The following B4GALT6 variants were observed in gnomAD, a reference collection of about 807,000 sequenced individuals.
B4GALT6 encodes the protein beta-1,4-galactosyltransferase 6, also known as UDP-Gal:beta-GlcNAc beta-1,4-galactosyltransferase 6.
B4GALT6 carries 14 observed loss-of-function variants against 46.3 expected under a neutral mutation model. The ratio of observed to expected loss-of-function variants is 0.30; its 90% confidence interval spans 0.20 to 0.47. The LOEUF is 0.47. Among genes scored for constraint, B4GALT6 ranks in the 20% least tolerant of loss-of-function variants. The probability of loss-of-function intolerance (pLI) is 0.99; values close to 1 mark genes in which losing one functional copy is unlikely to be tolerated. For missense variants in B4GALT6, 386 were observed against 480.1 expected (o/e 0.80, Z 1.83); for synonymous variants, 168 against 162.0 (o/e 1.04, Z -0.28).
In B4GALT6 at chr18:31,663,913, T is replaced by C. The variant is rs114283817; in HGVS notation, c.232+2343A>G. ...GCTAAATGAACATGGCGGAGCCTCA[T>C]TGCTGACTCAAACTCCATTCTTCCC... On this transcript the variant is annotated intron_variant, in intron 2 of 8. Transcript: ENST00000306851. 6.8e-3 allele frequency among the ~76,000 whole-genome samples: 1,041 copies of C among 152,352 alleles called. 11 individuals are homozygous for C. The highest frequency in any genetic ancestry group is 0.024 in the African/African-American group (986 of 41,578).
At chr18:31,724,414 C>G in the B4GALT6 span, 1 of 1,068,950 alleles carries the variant, frequency 9.4e-7, no homozygotes, top group South Asian at 2.9e-5. Flanking sequence ...CTGGTCTTCC[C>G]GCTCCTCCGA....
intron 1 of B4GALT6, among the ~76,000 whole-genome samples, chr18:31,677,921 T>C (rs2074432802): frequency 6.6e-6 from 1 of 152,110 alleles, no homozygotes; most frequent in Admixed American, 6.5e-5. Flanking sequence ...AATGGCGACC[T>C]AGGAAACCCA....
chr18:31,722,665 G>C, the B4GALT6 span, among the ~76,000 whole-genome samples: 34 of 152,160 alleles, frequency 2.2e-4, no homozygotes, highest in Admixed American at 3.9e-4. Context: ...CTCACAGGAT[G>C]GTTTTCCTCT....
chr18:31,666,498 C>T (rs1312563054), intron 1 of B4GALT6, 126 bp from the exon 2 acceptor site: 1 of 397,676 alleles, frequency 2.5e-6, no homozygotes, highest in Non-Finnish European at 4.4e-6. Context: ...CGTCCAAACG[C>T]AAAACAGAAA....
At chr18:31,670,520 AC>A (rs2074338920) in intron 1 of B4GALT6, among the ~76,000 whole-genome samples, 1 of 152,240 alleles carries the variant, frequency 6.6e-6, no homozygotes, top group South Asian at 2.1e-4. Flanking sequence ...TAATTGAGTT[AC>A]ATTCCTCAGG....
At chr18:31,695,033 T>C in the B4GALT6 span, among the ~76,000 whole-genome samples, 2 of 152,188 alleles carry the variant, frequency 1.3e-5, no homozygotes, top group African/African-American at 2.4e-5. Flanking sequence ...CATCGTATAA[T>C]AATTCTTAAG....
At chr18:31,652,462 T>G (rs948932443) in intron 3 of B4GALT6, among the ~76,000 whole-genome samples, 1 of 151,930 alleles carries the variant, frequency 6.6e-6, no homozygotes, top group Admixed American at 6.6e-5. Flanking sequence ...GGTTCCTGTC[T>G]CCCCTTCTTC....
At chr18:31,685,267 G>A (rs968473362), upstream of B4GALT6, among the ~76,000 whole-genome samples, 3 of 149,922 alleles carry the variant, frequency 2.0e-5, no homozygotes, top group Non-Finnish European at 3.0e-5. Context: ...CCGGGCCCGC[G>A]GACACCAGGC....
intron 1 of B4GALT6, among the ~76,000 whole-genome samples, chr18:31,668,145 T>A (rs1181180194): frequency 1.3e-5 from 2 of 148,784 alleles, no homozygotes; most frequent in African/African-American, 2.5e-5. Context: ...AAGAACAAAA[T>A]CATATGCTTT....
upstream of B4GALT6, chr18:31,684,792 C>A: frequency 9.7e-7 from 1 of 1,035,524 alleles, no homozygotes; most frequent in Non-Finnish European, 1.2e-6. Flanking sequence ...TGGGAGGAGG[C>A]GCAGGCTGCG....
intron 5 of B4GALT6, among the ~76,000 whole-genome samples, chr18:31,634,547 G>A (rs544215069): frequency 2.6e-5 from 4 of 152,140 alleles, no homozygotes; most frequent in Non-Finnish European, 2.9e-5. Flanking sequence ...TGACTTAACC[G>A]AAACGTGTGA....
At chr18:31,698,163 A>C in the B4GALT6 span, among the ~76,000 whole-genome samples, 2 of 152,110 alleles carry the variant, frequency 1.3e-5, no homozygotes, top group African/African-American at 4.8e-5. Context: ...TATATGCTTC[A>C]TTCTGTGTTA....
chr18:31,705,926 C>G, the B4GALT6 span, among the ~76,000 whole-genome samples: 1 of 152,180 alleles, frequency 6.6e-6, no homozygotes, highest in Non-Finnish European at 1.5e-5. Flanking sequence ...ACTCTTTAAA[C>G]CAGTTTGTCA....
At chr18:31,644,989 T>C (rs935355022) in intron 4 of B4GALT6, among the ~76,000 whole-genome samples, 1 of 152,232 alleles carries the variant, frequency 6.6e-6, no homozygotes, top group Non-Finnish European at 1.5e-5. Flanking sequence ...AGGCTATGCT[T>C]GCAGGTGTCA....
the B4GALT6 span, among the ~76,000 whole-genome samples, chr18:31,691,843 A>G: frequency 6.6e-6 from 1 of 152,198 alleles, no homozygotes; most frequent in Non-Finnish European, 1.5e-5. Context: ...GCTAAAATCC[A>G]CAAGTTTATG....
intron 2 of B4GALT6, among the ~76,000 whole-genome samples, chr18:31,663,687 T>C (rs1396145425): frequency 6.6e-6 from 1 of 152,240 alleles, no homozygotes; most frequent in East Asian, 1.9e-4. Context: ...GTACACCTTA[T>C]AGGCCATTAT....
intron 7 of B4GALT6, 87 bp from the exon 8 acceptor site, chr18:31,626,471 T>C (rs1406833561): frequency 1.4e-6 from 1 of 706,556 alleles, no homozygotes; most frequent in Non-Finnish European, 2.3e-6. Context: ...CACAAAAGAA[T>C]GCTCTAATCC....
intron 1 of B4GALT6, among the ~76,000 whole-genome samples, chr18:31,683,050 T>A (rs2074499115): frequency 6.6e-6 from 1 of 152,228 alleles, no homozygotes; most frequent in Admixed American, 6.5e-5. Context: ...ACTTCTATTT[T>A]GGGATACGTC....
the B4GALT6 span, among the ~76,000 whole-genome samples, chr18:31,719,940 G>A: frequency 6.6e-6 from 1 of 152,198 alleles, no homozygotes; most frequent in African/African-American, 2.4e-5. Flanking sequence ...AATGTGGGGA[G>A]GTTCAGACTC....
Sources: gnomAD v4.1 joint callset for allele counts (sites outside exome capture counted in the v4.1 genomes callset) on GRCh38, gnomAD v4.1.1 for gene constraint, MANE v1.5 for transcripts, NCBI Gene and HGNC (gene_info 2026-07-23, HGNC 2026-07-21) for gene names.